The following ZYG11B variants were observed in gnomAD, a reference collection of about 807,000 sequenced individuals.
ZYG11B encodes protein zyg-11 homolog B.
In ZYG11B, 36 loss-of-function variants were observed where a neutral mutation model predicts 82.4. The observed-to-expected ratio is 0.44, with a 90% confidence interval of 0.33 to 0.58. The LOEUF (loss-of-function observed/expected upper bound fraction) is 0.58. Ranked by LOEUF, ZYG11B falls within the 20% of genes least tolerant of loss-of-function variation. The pLI, the probability that ZYG11B is intolerant of heterozygous loss-of-function variation, is 0.02. For synonymous variants in ZYG11B, 303 were observed against 312.8 expected (o/e 0.97, Z 0.33); for missense variants, 552 against 895.6 (o/e 0.62, Z 4.90).
chr1:52,772,325 T>C, intron 3 of ZYG11B: 2 of 1,440,664 alleles, frequency 1.4e-6, no homozygotes, highest in Admixed American at 3.4e-5. Flanking sequence ...TTAGCATCCT[T>C]ATCCTTTCTG....
rs781461161 is a variant in ZYG11B, at chr1:52,801,954, T to C, written c.1621T>C (p.Leu541=). Residue 541 remains leucine, a synonymous_variant, in exon 9 of 14, where the codon TTA becomes CTA. Transcript: ENST00000294353. Reference sequence around the variant, plus strand: ...TAGACACTTTATTGAAAACCAAGGGTTAGAACTCTTCATGAGGGTTCTAGA... The same window carrying C: ...TAGACACTTTATTGAAAACCAAGGGCTAGAACTCTTCATGAGGGTTCTAGA... ...TCRHFIENQG[L]ELFMRVLESF... is the part of the protein sequence containing the mutation. 1.9e-6 allele frequency: 3 copies of C among 1,609,936 alleles called. No homozygotes were observed. The Admixed American group carries it at 5.1e-5, about 27-fold the overall frequency.
intron 1 of ZYG11B, among the ~76,000 whole-genome samples, chr1:52,745,032 T>C (rs1644464968): frequency 6.6e-6 from 1 of 152,236 alleles, no homozygotes; most frequent in African/African-American, 2.4e-5. Flanking sequence ...TTTTTTCTTA[T>C]AATTAACCAA....
At chr1:52,753,245 T>A (rs1644541327) in intron 1 of ZYG11B, among the ~76,000 whole-genome samples, 1 of 152,164 alleles carries the variant, frequency 6.6e-6, no homozygotes, top group Non-Finnish European at 1.5e-5. Flanking sequence ...TACTTAGGAG[T>A]AGAATTGCTG....
chr1:52,817,765 G>GTATATATATGTATATATATATA (rs1645238055), intron 13 of ZYG11B, among the ~76,000 whole-genome samples: 1 of 60,052 alleles, frequency 1.7e-5, no homozygotes, highest in Admixed American at 2.4e-4. Context: ...AGTAAAGTGT[G>GTATATATATGTATATATATATA]TATATATATG....
intron 1 of ZYG11B, among the ~76,000 whole-genome samples, chr1:52,739,390 C>A (rs1644405256): frequency 6.6e-6 from 1 of 152,084 alleles, no homozygotes; most frequent in South Asian, 2.1e-4. Flanking sequence ...GTGATTCCTT[C>A]CATCTCTTAA....
At position 52,823,785 on chromosome 1, in the gene ZYG11B, T is replaced by A. The variant is rs984069025; in HGVS notation, c.*2156T>A. The A allele has an allele frequency of 1.3e-5, 2 of 152,190 alleles. No homozygotes were observed. Among genetic ancestry groups the A allele is most frequent in the African/African-American group, 4.8e-5 (2 of 41,448 alleles). 9.4% of individuals were successfully genotyped at this position (152,190 alleles called of 1,614,324 possible). On this transcript the variant is annotated 3_prime_UTR_variant, in exon 14 of 14. Transcript: ENST00000294353. ...ATGGCTAAAAGTGTACAGAAAACAG[T>A]AAATCCCTTCTTTACTCAGAATAAC...
chr1:52,807,863 C>T (rs1645153719), intron 10 of ZYG11B, among the ~76,000 whole-genome samples: 1 of 150,872 alleles, frequency 6.6e-6, no homozygotes, highest in Non-Finnish European at 1.5e-5. Context: ...ATGAATTCTT[C>T]AGCTTTTGTC....
chr1:52,777,543 C>G (rs1273832596), intron 3 of ZYG11B, among the ~76,000 whole-genome samples: 3 of 152,128 alleles, frequency 2.0e-5, no homozygotes, highest in African/African-American at 7.2e-5. Context: ...TTCGTGGGCT[C>G]AAGCAGTCCT....
intron 5 of ZYG11B, among the ~76,000 whole-genome samples, chr1:52,787,562 C>T (rs1486435582): frequency 1.3e-5 from 2 of 152,132 alleles, no homozygotes; most frequent in East Asian, 3.9e-4. Flanking sequence ...TATTATTATT[C>T]CTTACACTTT....
At chr1:52,740,829 T>A (rs979111102) in intron 1 of ZYG11B, among the ~76,000 whole-genome samples, 1 of 150,364 alleles carries the variant, frequency 6.7e-6, no homozygotes, top group African/African-American at 2.4e-5. Flanking sequence ...CCTTCCAAAG[T>A]GCTGGGATTA....
At chr1:52,738,395 A>G (rs1357371551) in intron 1 of ZYG11B, among the ~76,000 whole-genome samples, 1 of 151,648 alleles carries the variant, frequency 6.6e-6, no homozygotes, top group Non-Finnish European at 1.5e-5. Flanking sequence ...TGGCCAGGCT[A>G]GTCTCCAACT....
intron 4 of ZYG11B, among the ~76,000 whole-genome samples, chr1:52,782,051 C>T (rs775475861): frequency 1.3e-5 from 2 of 151,576 alleles, no homozygotes; most frequent in South Asian, 4.2e-4. Context: ...AGAATATAGG[C>T]TATTTATTTA....
At chr1:52,765,928 A>G (rs1319833495) in intron 2 of ZYG11B, among the ~76,000 whole-genome samples, 2 of 151,818 alleles carry the variant, frequency 1.3e-5, no homozygotes, top group East Asian at 1.9e-4. Context: ...TGTTATTTAA[A>G]TTAGGTAATT....
intron 2 of ZYG11B, among the ~76,000 whole-genome samples, chr1:52,770,369 T>G (rs1644739350): frequency 6.6e-6 from 1 of 152,148 alleles, no homozygotes; most frequent in Non-Finnish European, 1.5e-5. Flanking sequence ...AGGCATTAAG[T>G]GCATGCTAAA....
chr1:52,772,109 C>T, intron 3 of ZYG11B: 1 of 912,672 alleles, frequency 1.1e-6, no homozygotes, highest in Non-Finnish European at 1.8e-6. Context: ...CTATTTTGAA[C>T]CATTTACATA....
In ZYG11B at chr1:52,726,639, C is replaced by T. The variant is rs1351003218; in HGVS notation, c.-15C>T. On this transcript the variant is annotated 5_prime_UTR_variant, in exon 1 of 14. Transcript: ENST00000294353. ...CTCCGGTCCGGCCCGCCGCCGCACC[C>T]AGGACGGAGGCTGCATGCCCGAGGA... 5 of 1,463,546 alleles carry T rather than the reference C, an allele frequency of 3.4e-6. No homozygotes were observed. Among genetic ancestry groups the T allele is most frequent in the Non-Finnish European group, 4.5e-6 (5 of 1,113,814 alleles). 90.7% of individuals were successfully genotyped at this position (1,463,546 alleles called of 1,614,324 possible). A position where few individuals can be genotyped will look rare whatever the true frequency, so the allele number is the denominator to read the frequency against.
At chr1:52,754,284 CAA>C (rs1194081025) in intron 1 of ZYG11B, 3 of 152,366 alleles carry the variant, frequency 2.0e-5, no homozygotes, top group Admixed American at 6.5e-5. Flanking sequence ...CTTGGCCTCC[CAA>C]AGTGTTGGGA....
In ZYG11B at chr1:52,783,853, T is replaced by TGTGCGTATATGTACATACAC. The variant is rs1553260805; in HGVS notation, c.1093-1021_1093-1020insCGTATATGTACATACACGTG. 4.2e-3 allele frequency among the ~76,000 whole-genome samples: 240 copies of TGTGCGTATATGTACATACAC among 57,072 alleles called. 4 individuals carry two copies. The highest frequency in any genetic ancestry group is 0.013 in the African/African-American group (227 of 17,744). The allele number at this position is 57,072 out of a possible 152,430, so 37.4% of individuals were successfully genotyped here. ...ATACGTGTGTATATGTACATACACG[T>TGTGCGTATATGTACATACAC]GTGTGTGTATGTACATACACGTGTG... On this transcript the variant is annotated intron_variant, in intron 4 of 13. Transcript: ENST00000294353.
chr1:52,732,688 C>G (rs1196037994), intron 1 of ZYG11B, among the ~76,000 whole-genome samples: 3 of 152,090 alleles, frequency 2.0e-5, no homozygotes, highest in African/African-American at 7.2e-5. Flanking sequence ...TCGCTTGAAC[C>G]CGGGAGGCAG....
Sources: gnomAD v4.1 joint callset for allele counts (sites outside exome capture counted in the v4.1 genomes callset) on GRCh38, gnomAD v4.1.1 for gene constraint, MANE v1.5 for transcripts, NCBI Gene and HGNC (gene_info 2026-07-23, HGNC 2026-07-21) for gene names.